Variants in TCF3 observed in about 807,000 individuals in gnomAD.
TCF3 encodes the protein transcription factor 3.
TCF3 carries 54 observed loss-of-function variants against 72.3 expected under a neutral mutation model. That is an observed-to-expected ratio of 0.75 (90% CI 0.60 to 0.94). The LOEUF (loss-of-function observed/expected upper bound fraction) is 0.94, where lower values mean the gene tolerates loss of function less well. Ranked by LOEUF, TCF3 falls within the 40% of genes least tolerant of loss-of-function variation. The probability of loss-of-function intolerance (pLI) is 0.00; values close to 1 mark genes in which losing one functional copy is unlikely to be tolerated. For synonymous variants in TCF3, 525 were observed against 412.6 expected, an observed-to-expected ratio of 1.27 and a Z score of -3.30; for missense variants, 1,078 against 934.4, an observed-to-expected ratio of 1.15 and a Z score of -2.00.
intron 3 of TCF3, among the ~76,000 whole-genome samples, chr19:1,636,617 G>A (rs1183480617): frequency 2.6e-5 from 4 of 152,146 alleles, no homozygotes; most frequent in African/African-American, 7.2e-5. Context: ...CAAGCTATGG[G>A]AGAAGATGAA....
At chr19:1,645,883 G>A (rs1466758073) in intron 3 of TCF3, among the ~76,000 whole-genome samples, 1 of 152,158 alleles carries the variant, frequency 6.6e-6, no homozygotes, top group East Asian at 1.9e-4. Context: ...CTGGTGCTGG[G>A]CCCTGCATAC....
chr19:1,627,515 T>C (rs2063039075), intron 5 of TCF3, 89 bp from the exon 6 acceptor site: 2 of 1,179,894 alleles, frequency 1.7e-6, no homozygotes, highest in African/African-American at 1.5e-5. Context: ...TACAATAGGC[T>C]CTCAGTAAGT....
intron 3 of TCF3, among the ~76,000 whole-genome samples, chr19:1,634,630 T>C (rs1000651954): frequency 2.0e-5 from 3 of 152,202 alleles, no homozygotes; most frequent in Non-Finnish European, 4.4e-5. Context: ...TCCCGGTCCC[T>C]GTTGGGTCCC....
chr19:1,631,948 TG>T lies in TCF3; in HGVS notation c.298+89del, dbSNP rs1289113940. 3.9e-6 allele frequency: 6 copies of T among 1,552,458 alleles called. No individual in the cohort carries two copies. The African/African-American group carries it at 6.8e-5, about 18-fold the overall frequency. On this transcript the variant is annotated intron_variant, in intron 5 of 18. Transcript: ENST00000262965. ...ACCCTCTGGGTGAACGCTGGGGACT[TG>T]CCTGGCGCTGTGCGTGCACTGACCA... is the stretch of plus-strand genomic sequence containing the variant.
At chr19:1,613,278 C>T (rs1484006069) in intron 18 of TCF3, among the ~76,000 whole-genome samples, 1 of 152,142 alleles carries the variant, frequency 6.6e-6, no homozygotes, top group Non-Finnish European at 1.5e-5. Flanking sequence ...TGCCCAGGTG[C>T]AAGTGCCCTC....
At chr19:1,612,243 C>A in intron 18 of TCF3, 1 of 1,604,324 alleles carries the variant, frequency 6.2e-7, no homozygotes, top group Non-Finnish European at 8.5e-7. Flanking sequence ...ATGACCTGCA[C>A]GGCCTGCTGC....
Position 1,631,873 on chromosome 19 carries a change from G to C in TCF3, c.298+165C>G, listed in dbSNP as rs2063755331. 10 of 1,512,666 alleles carry C rather than the reference G, an allele frequency of 6.6e-6. No individual in the cohort carries two copies. In the Admixed American group the frequency reaches 2.0e-4, roughly 30 times the overall value. The allele number at this position is 1,512,666 out of a possible 1,614,324, so 93.7% of individuals were successfully genotyped here. On this transcript the variant is annotated intron_variant, in intron 5 of 18. Transcript: ENST00000262965. ...CCAGGGAGTCCGGGCCACGTCCCCT[G>C]CACCTCCCCGCAGCTGCTCCCAGGA...
chr19:1,615,746 G>A lies in TCF3; in HGVS notation c.1526C>T (p.Ser509Leu), dbSNP rs375239736. 3.7e-6 allele frequency: 6 copies of A among 1,610,500 alleles called. No individual in the cohort carries two copies. The highest frequency in any genetic ancestry group is 2.7e-5 in the African/African-American group (2 of 74,808). The change falls in exon 17 of 19, where the codon TCA (serine) becomes TTA (leucine). Residue 509 changes from serine to leucine, a missense_variant. Coordinates refer to ENST00000262965, the MANE Select transcript of TCF3 (RefSeq NM_003200.5). The surrounding 1 kb of genome is among the most constrained non-coding windows in gnomAD (Gnocchi z 7.3). ...REEKEDEENT[S>L]AADHSEEEKK... ...CTCCTCCTCCGAGTGGTCAGCCGCT[G>A]ACGTGTTCTCCTCGTCCTCCTTCTC...
rs969272411 is a variant in TCF3, at chr19:1,652,586, C to T, written c.-326G>A. 6.8e-6 allele frequency: 1 copy of T among 147,810 alleles called. No individual in the cohort carries two copies. The highest frequency in any genetic ancestry group is 1.5e-5 in the Non-Finnish European group (1 of 66,204). 9.2% of individuals were successfully genotyped at this position (147,810 alleles called of 1,614,324 possible). On this transcript the variant is annotated 5_prime_UTR_variant, in exon 1 of 19. Coordinates refer to ENST00000262965, the MANE Select transcript of TCF3 (RefSeq NM_003200.5). The stretch of plus-strand genomic sequence containing the variant: ...CTACGCCCGCAGCCGCCGCCGCTGC[C>T]TCATCTTCCTGCGGCGGGAGACATG...
intron 5 of TCF3, 36 bp from the exon 6 acceptor site, chr19:1,627,462 C>A (rs1365623180): frequency 1.2e-6 from 2 of 1,603,590 alleles, no homozygotes; most frequent in Non-Finnish European, 1.7e-6. Context: ...GGGAGGCGAC[C>A]CCAAGGAACA....
rs1447565750 is a variant in TCF3 at position 1,652,531 on chromosome 19, G to C, written c.-271C>G. The C allele has an allele frequency of 6.9e-6, 1 of 143,902 alleles. No individual in the cohort carries two copies. Among genetic ancestry groups the C allele is most frequent in the African/African-American group, 2.5e-5 (1 of 40,122 alleles). The allele number at this position is 143,902 out of a possible 1,614,324, so 8.9% of individuals were successfully genotyped here. On this transcript the variant is annotated 5_prime_UTR_variant, in exon 1 of 19. Transcript: ENST00000262965. ...GGGCAGCGGCGTGCGCGGTGCCCGC[G>C]GTGCCCGCCGCCGCGTCGGCTCCGG...
chr19:1,611,322 T>C lies in TCF3; in HGVS notation c.*385A>G. The C allele has an allele frequency of 5.2e-6, 2 of 386,350 alleles. No homozygotes were observed. The highest frequency in any genetic ancestry group is 8.9e-5 in the Admixed American group (2 of 22,512). The allele number at this position is 386,350 out of a possible 1,614,324, so 23.9% of individuals were successfully genotyped here. A position where few individuals can be genotyped will look rare whatever the true frequency, so the allele number is the denominator to read the frequency against. On this transcript the variant is annotated 3_prime_UTR_variant, in exon 19 of 19. Coordinates refer to ENST00000262965, the MANE Select transcript of TCF3 (RefSeq NM_003200.5). ...TTTTTATAGTTAAGGCATTTTTTTC[T>C]TCTCTGACAAAGTGTATGTTTTGTT...
chr19:1,645,704 C>G (rs1052354099), intron 3 of TCF3, among the ~76,000 whole-genome samples: 1 of 152,302 alleles, frequency 6.6e-6, no homozygotes, highest in Non-Finnish European at 1.5e-5. Context: ...ATTTTCAGGC[C>G]ACCCCCAGGA....
At chr19:1,620,889 G>A (rs2146070301) in intron 13 of TCF3, 79 bp downstream of exon 13, 1 of 1,308,412 alleles carries the variant, frequency 7.6e-7, no homozygotes, top group Non-Finnish European at 1.0e-6. Context: ...CCCCCGCAAA[G>A]CCTTCACAGA....
At position 1,609,495 on chromosome 19, in the gene TCF3, T is replaced by G. The variant is rs1362745666; in HGVS notation, c.*2212A>C. On this transcript the variant is annotated 3_prime_UTR_variant, in exon 19 of 19. Transcript: ENST00000262965. ...CACCCCCCACCCCCCATAATTGTGG[T>G]TCCCAGGAACTGCTGTTTCTTCCTC... 3.2e-5 allele frequency: 6 copies of G among 184,874 alleles called. No homozygotes were observed. Among genetic ancestry groups the G allele is most frequent in the East Asian group, 8.7e-5 (1 of 11,462 alleles). The allele number at this position is 184,874 out of a possible 1,614,324, so 11.5% of individuals were successfully genotyped here.
rs1392162546 is a variant in TCF3 at position 1,632,490 on chromosome 19, C to T, written c.146-85G>A. 7 of 1,406,302 alleles carry T rather than the reference C, an allele frequency of 5.0e-6. No individual in the cohort carries two copies. The East Asian group carries it at 1.8e-4, about 35-fold the overall frequency. The allele number at this position is 1,406,302 out of a possible 1,614,324, so 87.1% of individuals were successfully genotyped here. On this transcript the variant is annotated intron_variant, in intron 3 of 18. Coordinates refer to ENST00000262965, the MANE Select transcript of TCF3 (RefSeq NM_003200.5). ...TCGGTTCATCATCTCAGGGGCAAAC[C>T]TCAGTGGACCCGGGGGGCTTGTGGA...
chr19:1,615,720 T>C lies in TCF3; in HGVS notation c.1552A>G (p.Lys518Glu), dbSNP rs375552133. 162 of 1,613,162 alleles carry C rather than the reference T, an allele frequency of 1.0e-4. No individual in the cohort carries two copies. In the Middle Eastern group the frequency reaches 1.7e-3, roughly 16 times the overall value. The change falls in exon 17 of 19, where the codon AAG (lysine) becomes GAG (glutamate). Residue 518 changes from lysine to glutamate, a missense_variant. Transcript: ENST00000262965. This position sits in a 1 kb window ranked among gnomAD's most constrained non-coding sequence, Gnocchi z 7.3. ...GCCCGGGGGGCCTTCAGCTCCTTCT[T>C]CTCCTCCTCCGAGTGGTCAGCCGCT... ...TSAADHSEEE[K>E]KELKAPRART... is the part of the protein sequence containing the mutation.
intron 3 of TCF3, among the ~76,000 whole-genome samples, chr19:1,635,548 T>A (rs2064280372): frequency 6.6e-6 from 1 of 151,856 alleles, no homozygotes; most frequent in Non-Finnish European, 1.5e-5. Flanking sequence ...CCCCTCTTTG[T>A]CTGCAGCACT....
intron 7 of TCF3, 21 bp downstream of exon 7, chr19:1,625,555 C>T (rs1284932208): frequency 6.4e-7 from 1 of 1,555,658 alleles, no homozygotes. Context: ...GCCCCCGATG[C>T]CCCGGCCAGA....
Sources: allele counts gnomAD v4.1 joint callset (sites outside exome capture counted in the v4.1 genomes callset), GRCh38; gene constraint gnomAD v4.1.1; non-coding constraint Gnocchi (gnomAD v3.1); transcripts MANE v1.5; gene names NCBI Gene and HGNC (gene_info 2026-07-23, HGNC 2026-07-21).